HSD17B2: variants seen among roughly 807,000 people sequenced by gnomAD.
HSD17B2 encodes the protein 17-beta-hydroxysteroid dehydrogenase type 2.
A neutral mutation model predicts 26.9 loss-of-function variants in HSD17B2; 32 were observed. The observed-to-expected ratio is 1.19, with a 90% CI of 0.90 to 1.60. The LOEUF is 1.60. Among genes scored for constraint, HSD17B2 ranks in the 40% most tolerant of loss-of-function variants. The pLI, the probability that HSD17B2 is intolerant of heterozygous loss-of-function variation, is 0.00. For missense variants in HSD17B2, 613 were observed against 468.6 expected, an observed-to-expected ratio of 1.31 and a Z score of -2.85; for synonymous variants, 246 against 186.7, an observed-to-expected ratio of 1.32 and a Z score of -2.59.
At position 82,090,896 on chromosome 16, in the gene HSD17B2, C is replaced by A; in HGVS notation, c.665-6C>A. ...TTTGCTTCTTTTTCTCCCATTATTC[C>A]CATAGGAGGGGCCCCAATGGAAAGG... On this transcript the variant is annotated splice_polypyrimidine_tract_variant and splice_region_variant and intron_variant, in intron 3 of 4. Transcript: ENST00000199936. The A allele has an allele frequency of 6.2e-7, 1 of 1,604,698 alleles. No individual in the cohort carries two copies. Among genetic ancestry groups the A allele is most frequent in the Non-Finnish European group, 8.5e-7 (1 of 1,176,416 alleles).
At position 82,048,667 on chromosome 16, in the gene HSD17B2, A is replaced by G. The variant is rs8191084; in HGVS notation, c.265+12978A>G. Reference sequence around the variant, plus strand: ...GAACTAGGAGGCTGTTGCTTAAGAGATAAAGAAAAAGTGGACACTATAGAC... The same window carrying G: ...GAACTAGGAGGCTGTTGCTTAAGAGGTAAAGAAAAAGTGGACACTATAGAC... On this transcript the variant is annotated intron_variant, in intron 1 of 4. Coordinates refer to ENST00000199936, the MANE Select transcript of HSD17B2 (RefSeq NM_002153.3). Among the ~76,000 whole-genome samples the G allele has an allele frequency of 7.8e-3, 1,194 of 152,350 alleles. 16 individuals are homozygous for G. Among genetic ancestry groups the G allele is most frequent in the African/African-American group, 0.027 (1,139 of 41,576 alleles).
rs777824285 is a variant in HSD17B2 at position 82,070,898 on chromosome 16, C to G, written c.479-44C>G. 12 of 1,564,756 alleles carry G rather than the reference C, an allele frequency of 7.7e-6. No homozygotes were observed. In the Admixed American group the frequency reaches 2.1e-4, roughly 27 times the overall value. On this transcript the variant is annotated intron_variant, in intron 2 of 4. Transcript: ENST00000199936. ...CAGGTATTGCAGGTTGTGTTATTCA[C>G]TTCCTCTTCCAGACACTCACTCATT...
intron 1 of HSD17B2, among the ~76,000 whole-genome samples, chr16:82,062,624 C>T (rs1182196679): frequency 6.6e-6 from 1 of 152,198 alleles, no homozygotes; most frequent in Non-Finnish European, 1.5e-5. Flanking sequence ...TCAGTTTCCT[C>T]CTCTGTAAAT....
At chr16:82,081,192 A>G (rs1337830685) in intron 3 of HSD17B2, among the ~76,000 whole-genome samples, 1 of 152,172 alleles carries the variant, frequency 6.6e-6, no homozygotes, top group Non-Finnish European at 1.5e-5. Context: ...AATAGAAGAA[A>G]AAATTATTGC....
intron 3 of HSD17B2, among the ~76,000 whole-genome samples, chr16:82,083,001 C>G (rs1340610700): frequency 6.6e-6 from 1 of 152,132 alleles, no homozygotes; most frequent in Non-Finnish European, 1.5e-5. Context: ...ATGTTACCAC[C>G]ACATCAAACA....
Position 82,068,209 on chromosome 16 carries a change from T to C in HSD17B2, c.305T>C (p.Leu102Pro). 13 of 1,614,182 alleles carry C rather than the reference T, an allele frequency of 8.1e-6. No homozygotes were observed. Among genetic ancestry groups the C allele is most frequent in the African/African-American group, 1.3e-5 (1 of 75,054 alleles). ...CGLGHALCKY[L>P]DELGFTVFAG... The stretch of plus-strand genomic sequence containing the variant: ...CTTGGCCATGCTTTGTGCAAGTATC[T>C]GGATGAGCTGGGCTTCACGGTATTT... The change falls in exon 2 of 5, where the codon CTG becomes CCG. Residue 102 changes from leucine to proline, a missense_variant. By Grantham distance (98) the Leu-to-Pro change is moderately conservative. Transcript: ENST00000199936.
chr16:82,079,787 A>G (rs1904333218), intron 3 of HSD17B2, among the ~76,000 whole-genome samples: 1 of 152,246 alleles, frequency 6.6e-6, no homozygotes, highest in African/African-American at 2.4e-5. Context: ...GTATGTGTAA[A>G]AGGCAATATA....
At chr16:82,070,512 G>A (rs1914673498) in intron 2 of HSD17B2, among the ~76,000 whole-genome samples, 1 of 152,178 alleles carries the variant, frequency 6.6e-6, no homozygotes. Flanking sequence ...TAGACATACA[G>A]AGCCTCCACG....
chr16:82,082,653 G>A (rs901004049), intron 3 of HSD17B2, among the ~76,000 whole-genome samples: 1 of 152,042 alleles, frequency 6.6e-6, no homozygotes, highest in African/African-American at 2.4e-5. Flanking sequence ...AGGTTCCTGA[G>A]GATAATACTA....
chr16:82,056,391 G>A (rs1364649474), intron 1 of HSD17B2: 2 of 152,146 alleles, frequency 1.3e-5, no homozygotes, highest in Non-Finnish European at 2.9e-5. Context: ...TGAAATACAT[G>A]GTTGGAACAT....
rs148523102 is a variant in HSD17B2, at chr16:82,056,023, G to C, written c.266-12147G>C. On this transcript the variant is annotated intron_variant, in intron 1 of 4. Coordinates refer to ENST00000199936, the MANE Select transcript of HSD17B2 (RefSeq NM_002153.3). ...AATGGTGGTAATTAGCAATGAAACA[G>C]AAAATAGAAAACTGTAAATCACAGA... 9.3e-4 allele frequency among the ~76,000 whole-genome samples: 142 copies of C among 152,284 alleles called. 1 individual carries two copies. The highest frequency in any genetic ancestry group is 2.9e-3 in the African/African-American group (121 of 41,562).
intron 1 of HSD17B2, chr16:82,063,273 C>A (rs1914491736): frequency 6.6e-6 from 1 of 152,086 alleles, no homozygotes; most frequent in African/African-American, 2.4e-5. Context: ...AAAATAAAGA[C>A]ACAGTTTTAT....
intron 1 of HSD17B2, among the ~76,000 whole-genome samples, chr16:82,057,897 T>C (rs897525617): frequency 6.6e-6 from 1 of 152,156 alleles, no homozygotes; most frequent in Non-Finnish European, 1.5e-5. Flanking sequence ...ACAGGATCAC[T>C]AAATGTAACA....
chr16:82,059,242 G>C (rs1486723167), intron 1 of HSD17B2, among the ~76,000 whole-genome samples: 1 of 152,218 alleles, frequency 6.6e-6, no homozygotes, highest in African/African-American at 2.4e-5. Context: ...TCTCAGCCTT[G>C]GCACTGTTGA....
chr16:82,068,501 C>A (rs2063366967), intron 2 of HSD17B2, 119 bp downstream of exon 2: 1 of 804,420 alleles, frequency 1.2e-6, no homozygotes, highest in Non-Finnish European at 2.0e-6. Context: ...CTGAAGCACA[C>A]CTGTGCTGAA....
chr16:82,057,225 A>T (rs1314449536), intron 1 of HSD17B2, among the ~76,000 whole-genome samples: 1 of 149,704 alleles, frequency 6.7e-6, no homozygotes, highest in Non-Finnish European at 1.5e-5. Context: ...TTTGAGAGAG[A>T]GTCCCCCTCC....
intron 1 of HSD17B2, among the ~76,000 whole-genome samples, chr16:82,046,921 T>C (rs1400846300): frequency 6.6e-6 from 1 of 152,182 alleles, no homozygotes; most frequent in African/African-American, 2.4e-5. Context: ...CTCAAGAAGA[T>C]AATATAAGCA....
intron 4 of HSD17B2, chr16:82,096,602 ATATAC>A (rs2142370742): frequency 6.6e-6 from 1 of 152,110 alleles, no homozygotes; most frequent in South Asian, 2.1e-4. Context: ...ATGAGTGTAT[ATATAC>A]TATATTATAT....
At chr16:82,094,623 G>C (rs1249858225) in intron 4 of HSD17B2, 1 of 152,224 alleles carries the variant, frequency 6.6e-6, no homozygotes, top group Non-Finnish European at 1.5e-5. Flanking sequence ...AGAAGGCTGA[G>C]AACTCATGTT....
Sources: gnomAD v4.1 joint callset for allele counts (sites outside exome capture counted in the v4.1 genomes callset) on GRCh38, gnomAD v4.1.1 for gene constraint, MANE v1.5 for transcripts, NCBI Gene and HGNC (gene_info 2026-07-23, HGNC 2026-07-21) for gene names.